The following COL16A1 variants were observed in gnomAD, a reference collection of about 807,000 sequenced individuals.
COL16A1 encodes the protein collagen alpha-1(XVI) chain.
A neutral mutation model predicts 266.3 loss-of-function variants in COL16A1; 189 were observed. That is an observed-to-expected ratio of 0.71 (90% confidence interval 0.63 to 0.80). The LOEUF (loss-of-function observed/expected upper bound fraction) is 0.80. Ranked by LOEUF, COL16A1 falls within the 30% of genes least tolerant of loss-of-function variation. The pLI is 0.00. For missense variants in COL16A1, 1,928 were observed against 2,122.4 expected, an observed-to-expected ratio of 0.91 and a Z score of 1.80; for synonymous variants, 740 against 782.3, an observed-to-expected ratio of 0.95 and a Z score of 0.90.
intron 1 of COL16A1, among the ~76,000 whole-genome samples, chr1:31,702,804 G>T (rs537237542): frequency 6.6e-6 from 1 of 152,194 alleles, no homozygotes; most frequent in South Asian, 2.1e-4. Flanking sequence ...GGCCAAGGAA[G>T]CTTTCCCCAT....
chr1:31,665,751 G>A (rs1267676897), intron 54 of COL16A1, 131 bp downstream of exon 54: 2 of 1,592,312 alleles, frequency 1.3e-6, no homozygotes, highest in Non-Finnish European at 1.7e-6. Flanking sequence ...ACCATGGCTG[G>A]CAGGTGAGGC....
chr1:31,696,991 A>C lies in COL16A1; in HGVS notation c.836T>G (p.Phe279Cys), dbSNP rs564456902. Residue 279 changes from phenylalanine to cysteine, a missense_variant, in exon 8 of 71, where the codon TTC (phenylalanine) becomes TGC (cysteine). By Grantham distance (205) the Phe-to-Cys change is radical. Around this residue, in one of 2 missense-constraint regions of COL16A1, gnomAD observed 1,552 missense variants for 1,637.2 expected, o/e 0.95. Transcript: ENST00000373672. ...QSEGKVYTRC[F>C]CLEEPQNSEV... ...GCTGTTTTGAGGCTCCTCCAGGCAG[A>C]AGCAGCGGGTGTAGACCTTGCCTTC... 4 of 1,614,130 alleles carry C rather than the reference A, an allele frequency of 2.5e-6. No homozygotes were observed. In the African/African-American group the frequency reaches 4.0e-5, roughly 16 times the overall value.
At chr1:31,665,284 G>T in intron 55 of COL16A1, 50 bp from the exon 56 acceptor site, 4 of 1,573,126 alleles carry the variant, frequency 2.5e-6, no homozygotes, top group Non-Finnish European at 3.4e-6. Flanking sequence ...TGGAGGGGGA[G>T]CTCCCCTTCT....
At position 31,653,916 on chromosome 1, in the gene COL16A1, G is replaced by A; in HGVS notation, c.4485C>T (p.Leu1495=). ...GTCCTTCTCTGCCAATCTGACCAGG[G>A]AGCCCAGGTGACCCTGGAGCACCTG... ...GRPGAPGSPG[L]PGQIGREGRQ... is the part of the protein sequence containing the mutation. The change falls in exon 69 of 71, where the codon CTC becomes CTT. Residue 1495 remains leucine, a synonymous_variant. Coordinates refer to ENST00000373672, the MANE Select transcript of COL16A1 (RefSeq NM_001856.4). 1 of 1,614,036 alleles carries A rather than the reference G, an allele frequency of 6.2e-7. No homozygotes were observed. The highest frequency in any genetic ancestry group is 8.5e-7 in the Non-Finnish European group (1 of 1,179,942).
chr1:31,656,386 C>T lies in COL16A1; in HGVS notation c.4101+14G>A. Reference sequence around the variant, plus strand: ...GTGAGCTTCTCCTCTCAAGCCCAGCCAGTGCCCACTCACCTTGGGACCAGG... The same window carrying T: ...GTGAGCTTCTCCTCTCAAGCCCAGCTAGTGCCCACTCACCTTGGGACCAGG... On this transcript the variant is annotated intron_variant, in intron 66 of 70. Transcript: ENST00000373672. The surrounding 1 kb of genome is among the most constrained non-coding windows in gnomAD (Gnocchi z 4.2). 6.2e-7 allele frequency: 1 copy of T among 1,613,454 alleles called. No homozygotes were observed. The highest frequency in any genetic ancestry group is 8.5e-7 in the Non-Finnish European group (1 of 1,179,800).
intron 22 of COL16A1, chr1:31,690,116 G>T: frequency 1.5e-6 from 1 of 646,606 alleles, no homozygotes; most frequent in Non-Finnish European, 2.6e-6. Flanking sequence ...GGAAACTTGG[G>T]CTAAGAGAGA....
rs564608631 is a variant in COL16A1, at chr1:31,662,442, G to T, written c.3628-55C>A. ...GCTGGTGCGGGAGCCCTAGGAGGTGGGAGGCCTGGCCCAACCCCTCAATTC... is the reference window on the plus strand; with the variant it reads ...GCTGGTGCGGGAGCCCTAGGAGGTGTGAGGCCTGGCCCAACCCCTCAATTC... On this transcript the variant is annotated intron_variant, in intron 57 of 70. Coordinates refer to ENST00000373672, the MANE Select transcript of COL16A1 (RefSeq NM_001856.4). 1.9e-6 allele frequency: 3 copies of T among 1,589,504 alleles called. No homozygotes were observed. The African/African-American group carries it at 4.0e-5, about 21-fold the overall frequency.
At position 31,698,011 on chromosome 1, in the gene COL16A1, C is replaced by A. The variant is rs774860357; in HGVS notation, c.552G>T (p.Val184=). The change falls in exon 6 of 71, where the codon GTG becomes GTT. Residue 184 remains valine (V), a synonymous_variant. Transcript: ENST00000373672. This position sits in a 1 kb window ranked among gnomAD's most constrained non-coding sequence, Gnocchi z 4.1. ...GCTGGGAGGAGGCTGAGCTGCAGTC[C>A]ACGTGCACAGAGGCCACACGTCCAG... The part of the protein sequence containing the change: ...SVAGRVASVH[V]DCSSASSQPL... The A allele has an allele frequency of 6.1e-5, 99 of 1,613,474 alleles. 1 individual carries two copies. In the South Asian group the frequency reaches 9.7e-4, roughly 16 times the overall value.
Position 31,688,622 on chromosome 1 carries a change from G to C in COL16A1, c.1768-120C>G. On this transcript the variant is annotated intron_variant, in intron 25 of 70. Transcript: ENST00000373672. The surrounding 1 kb of genome is among the most constrained non-coding windows in gnomAD (Gnocchi z 4.9). ...AGATAGGAATTATGTCCTTCAGGTA[G>C]CTGGACAGTTTCTTCAGTTAGACAA... The C allele has an allele frequency of 7.2e-7, 1 of 1,392,142 alleles. No homozygotes were observed. The highest frequency in any genetic ancestry group is 1.0e-6 in the Non-Finnish European group (1 of 981,048). 86.2% of individuals were successfully genotyped at this position (1,392,142 alleles called of 1,614,324 possible).
chr1:31,694,283 C>A, intron 11 of COL16A1, 113 bp from the exon 12 acceptor site: 1 of 787,774 alleles, frequency 1.3e-6, no homozygotes, highest in African/African-American at 1.8e-5. Context: ...GGACCAGCAG[C>A]CTGTATCCCA....
At chr1:31,701,312 G>A in intron 2 of COL16A1, 1 of 985,326 alleles carries the variant, frequency 1.0e-6, no homozygotes, top group Non-Finnish European at 1.2e-6. Flanking sequence ...CAGTGAGGGA[G>A]AGGAGAGCAA....
chr1:31,671,302 C>T (rs911025907), intron 48 of COL16A1, among the ~76,000 whole-genome samples: 3 of 150,726 alleles, frequency 2.0e-5, no homozygotes, highest in African/African-American at 7.5e-5. Context: ...GAAGCCTAGG[C>T]CCCCTGCCGA....
intron 33 of COL16A1, 39 bp from the exon 34 acceptor site, chr1:31,683,787 C>G: frequency 8.1e-6 from 13 of 1,613,818 alleles, no homozygotes; most frequent in Non-Finnish European, 1.1e-5. Context: ...TCGAGGTTCC[C>G]CAGTCACCCT....
chr1:31,700,292 C>T (rs1644678823), intron 2 of COL16A1, among the ~76,000 whole-genome samples, 177 bp from the exon 3 acceptor site: 2 of 152,204 alleles, frequency 1.3e-5, no homozygotes, highest in Non-Finnish European at 2.9e-5. Context: ...CTGGAGGCCC[C>T]CAACCCAGCA....
chr1:31,657,860 A>G lies in COL16A1; in HGVS notation c.4020+628T>C, dbSNP rs1290832428. ...AGTGGCTAAGGACATGAGTTCTGGA[A>G]TCAGGCAGGCTGGGATCAAGTCAGA... On this transcript the variant is annotated intron_variant, in intron 64 of 70. Transcript: ENST00000373672. This position sits in a 1 kb window ranked among gnomAD's most constrained non-coding sequence, Gnocchi z 6.4. Among the ~76,000 whole-genome samples, 1 of 152,236 alleles carries G rather than the reference A, an allele frequency of 6.6e-6. No individual in the cohort carries two copies. The highest frequency in any genetic ancestry group is 1.5e-5 in the Non-Finnish European group (1 of 68,038).
At position 31,699,885 on chromosome 1, in the gene COL16A1, A is replaced by T. The variant is rs1225912096; in HGVS notation, c.194T>A (p.Ile65Asn). Residue 65 changes from isoleucine to asparagine, a missense_variant, in exon 4 of 71, where the codon ATC (isoleucine) becomes AAC (asparagine). Around this residue, in one of 2 missense-constraint regions of COL16A1, gnomAD observed 1,552 missense variants for 1,637.2 expected, o/e 0.95. Coordinates refer to ENST00000373672, the MANE Select transcript of COL16A1 (RefSeq NM_001856.4). ...CCCCTTGGGGTTGCGGATCTTCTTG[A>T]TGGCAGACGTCTTCATGAGGCTGAG... is the stretch of plus-strand genomic sequence containing the variant. ...HRLSLMKTSA[I>N]KKIRNPKGPL... The T allele has an allele frequency of 3.7e-6, 6 of 1,614,110 alleles. No homozygotes were observed. The highest frequency in any genetic ancestry group is 5.1e-6 in the Non-Finnish European group (6 of 1,179,966).
In COL16A1 at chr1:31,656,014, A is replaced by G; in HGVS notation, c.4101+386T>C. On this transcript the variant is annotated intron_variant, in intron 66 of 70. Coordinates refer to ENST00000373672, the MANE Select transcript of COL16A1 (RefSeq NM_001856.4). This position sits in a 1 kb window ranked among gnomAD's most constrained non-coding sequence, Gnocchi z 4.2. ...CTCTCATCCCACAGCGCTATGTCTC[A>G]TGTCTTCTGGAAAACTTGCCAATCC... 3.0e-6 allele frequency: 1 copy of G among 332,320 alleles called. No homozygotes were observed. The allele number at this position is 332,320 out of a possible 1,614,324, so 20.6% of individuals were successfully genotyped here. A position where few individuals can be genotyped will look rare whatever the true frequency, so the allele number is the denominator to read the frequency against.
rs1644265785 is a variant in COL16A1 at position 31,691,496 on chromosome 1, A to G, written c.1319T>C (p.Val440Ala). Residue 440 changes from valine (V) to alanine (A), a missense_variant, in exon 19 of 71, where the codon GTT becomes GCT. This residue lies in a region of COL16A1 where 1,552 missense variants were observed against 1,637.2 expected (regional missense o/e 0.95). Transcript: ENST00000373672. ...PKGQKGDPGF[V>A]GPEGLAGEPG... ...CTCTCCTGCCAGCCCCTCAGGCCCA[A>G]CAAAGCCAGGGTCTCCCTGGCACAG... 6.2e-7 allele frequency: 1 copy of G among 1,613,596 alleles called. No homozygotes were observed. The highest frequency in any genetic ancestry group is 1.1e-5 in the South Asian group (1 of 91,088).
Position 31,653,660 on chromosome 1 carries a change from T to C in COL16A1, c.4551A>G (p.Lys1517=), listed in dbSNP as rs145334651. 4.2e-4 allele frequency: 671 copies of C among 1,613,738 alleles called. 3 individuals are homozygous for C. The African/African-American group carries it at 8.1e-3, about 19-fold the overall frequency. Residue 1517 remains lysine, a synonymous_variant, in exon 70 of 71, where the codon AAA becomes AAG. Coordinates refer to ENST00000373672, the MANE Select transcript of COL16A1 (RefSeq NM_001856.4). ...CAATACCAATGTCCCCTTTTTCACC[T>C]TTGGTACCAGGCAATCCTGGAACAA... is the stretch of plus-strand genomic sequence containing the variant. ...LPGVRGLPGT[K]GEKGDIGIGI...
Sources: allele counts gnomAD v4.1 joint callset (sites outside exome capture counted in the v4.1 genomes callset), GRCh38; gene constraint gnomAD v4.1.1; regional missense constraint gnomAD v4.1.1; non-coding constraint Gnocchi (gnomAD v3.1); transcripts MANE v1.5; gene names NCBI Gene and HGNC (gene_info 2026-07-23, HGNC 2026-07-21).